The following PTPRD variants were observed in gnomAD, a reference collection of about 807,000 sequenced individuals.
PTPRD encodes receptor-type tyrosine-protein phosphatase delta.
In PTPRD, 34 loss-of-function variants were observed where a neutral mutation model predicts 214.5. That is an observed-to-expected ratio of 0.16 (90% CI 0.12 to 0.21). The LOEUF (loss-of-function observed/expected upper bound fraction) is 0.21, where lower values mean the gene tolerates loss of function less well. Among genes scored for constraint, PTPRD ranks in the 10% least tolerant of loss-of-function variants. PTPRD has a pLI of 1.00. For missense variants in PTPRD, 2,545 were observed against 2,398.7 expected (o/e 1.06, Z -1.27); for synonymous variants, 1,128 against 845.7 (o/e 1.33, Z -5.79).
chr9:8,346,339 CTTAA>C (rs1416058977), intron 39 of PTPRD, among the ~76,000 whole-genome samples: 12 of 152,050 alleles, frequency 7.9e-5, no homozygotes, highest in Admixed American at 1.3e-4. Flanking sequence ...CTCATTGTTT[CTTAA>C]TTGTTTCAAA....
intron 8 of PTPRD, among the ~76,000 whole-genome samples, chr9:9,532,302 C>G (rs933238473): frequency 1.3e-5 from 2 of 152,028 alleles, no homozygotes; most frequent in African/African-American, 4.8e-5. Flanking sequence ...CATTCAGTTA[C>G]CAAATTAACA....
intron 3 of PTPRD, among the ~76,000 whole-genome samples, chr9:10,338,075 T>C (rs543535319): frequency 1.3e-5 from 2 of 151,814 alleles, no homozygotes; most frequent in South Asian, 2.1e-4. Context: ...CATATGAGCT[T>C]CATTCTATTT....
intron 8 of PTPRD, among the ~76,000 whole-genome samples, chr9:9,486,735 C>T (rs993341724): frequency 5.9e-5 from 9 of 152,256 alleles, no homozygotes; most frequent in African/African-American, 9.6e-5. Context: ...TTCCCAAAGA[C>T]GTTCATTGAA....
chr9:9,519,005 T>C (rs561871186), intron 8 of PTPRD, among the ~76,000 whole-genome samples: 8 of 152,118 alleles, frequency 5.3e-5, no homozygotes, highest in Non-Finnish European at 1.0e-4. Flanking sequence ...TTTTAAAGAA[T>C]TGAAATAAAA....
intron 8 of PTPRD, among the ~76,000 whole-genome samples, chr9:9,510,264 G>A (rs907643539): frequency 2.7e-5 from 4 of 150,938 alleles, no homozygotes; most frequent in African/African-American, 9.7e-5. Flanking sequence ...TTCTTTTTTG[G>A]AACTACTTAG....
chr9:8,987,438 C>A (rs1036786755), intron 11 of PTPRD, among the ~76,000 whole-genome samples: 8 of 152,086 alleles, frequency 5.3e-5, no homozygotes, highest in Non-Finnish European at 1.2e-4. Context: ...TTTCCTCATT[C>A]CTTTTTGCAG....
chr9:9,195,086 G>GTATATATATATATATATATATATATA (rs540804635), intron 9 of PTPRD, among the ~76,000 whole-genome samples: 15 of 131,180 alleles, frequency 1.1e-4, no homozygotes, highest in East Asian at 2.5e-4. Flanking sequence ...GTGTGTTTGT[G>GTATATATATATATATATATATATATA]TATATATATA....
chr9:10,567,107 T>C (rs887890128), intron 2 of PTPRD, among the ~76,000 whole-genome samples: 4 of 152,102 alleles, frequency 2.6e-5, no homozygotes, highest in African/African-American at 9.7e-5. Context: ...TAGTAATTAG[T>C]GTTGTGAGAG....
chr9:9,771,201 C>T lies in PTPRD; in HGVS notation c.-367-4350G>A, dbSNP rs551130601. ...TATTAGTATCTAATAAATTTGACTA[C>T]ATAATATATCTATATAATTTCCAGA... is the stretch of plus-strand genomic sequence containing the variant. On this transcript the variant is annotated intron_variant, in intron 5 of 45. Transcript: ENST00000381196. Among the ~76,000 whole-genome samples, 5 of 152,168 alleles carry T rather than the reference C, an allele frequency of 3.3e-5. No individual in the cohort carries two copies. In the South Asian group the frequency reaches 1.0e-3, roughly 32 times the overall value.
chr9:8,500,605 A>G (rs1345301459), intron 24 of PTPRD, 149 bp downstream of exon 24: 1 of 460,158 alleles, frequency 2.2e-6, no homozygotes, highest in Non-Finnish European at 3.6e-6. Context: ...AGGCTGTAGC[A>G]AAGACAAGTC....
At chr9:9,613,135 C>CATATATATATATATATATAT (rs67735335) in intron 7 of PTPRD, among the ~76,000 whole-genome samples, 14 of 47,894 alleles carry the variant, frequency 2.9e-4, no homozygotes, top group African/African-American at 9.6e-4. Flanking sequence ...TACATACATA[C>CATATATATATATATATATAT]ATATATATAT....
At chr9:9,318,511 A>C (rs538865796) in intron 9 of PTPRD, among the ~76,000 whole-genome samples, 96 of 152,332 alleles carry the variant, frequency 6.3e-4, no homozygotes, top group African/African-American at 2.3e-3. Flanking sequence ...AAGAAACCAA[A>C]GTATTACAAA....
At chr9:8,862,044 AAC>A (rs1021908820) in intron 11 of PTPRD, 5 of 152,180 alleles carry the variant, frequency 3.3e-5, no homozygotes, top group Non-Finnish European at 5.9e-5. Flanking sequence ...GCTTTGGCCA[AAC>A]ACAGAACTAG....
chr9:9,306,191 T>C (rs772456063), intron 9 of PTPRD, among the ~76,000 whole-genome samples: 4 of 152,094 alleles, frequency 2.6e-5, no homozygotes, highest in Non-Finnish European at 5.9e-5. Flanking sequence ...TTAAGCTATC[T>C]GGCAGAAACT....
intron 11 of PTPRD, among the ~76,000 whole-genome samples, chr9:8,899,468 T>C (rs1026320095): frequency 3.3e-5 from 5 of 152,194 alleles, no homozygotes; most frequent in African/African-American, 9.6e-5. Context: ...TGAGTATGCA[T>C]AAACAGCAAC....
chr9:10,482,392 G>A lies in PTPRD; in HGVS notation c.-600+130006C>T, dbSNP rs964978874. 5.2e-4 allele frequency among the ~76,000 whole-genome samples: 79 copies of A among 151,178 alleles called. 1 individual carries two copies. Among genetic ancestry groups the A allele is most frequent in the African/African-American group, 5.3e-4 (22 of 41,138 alleles). ...TTTCAATAAATAAATAAATAAATAA[G>A]TAAATAAATAAATCAATCAATAATA... On this transcript the variant is annotated intron_variant, in intron 2 of 45. Coordinates refer to ENST00000381196, the MANE Select transcript of PTPRD (RefSeq NM_002839.4).
intron 4 of PTPRD, among the ~76,000 whole-genome samples, chr9:10,023,587 C>T (rs1307540907): frequency 6.6e-6 from 1 of 151,394 alleles, no homozygotes. Flanking sequence ...CATGATCTCT[C>T]ATGCATTTTA....
chr9:8,377,230 T>C (rs1316709370), intron 37 of PTPRD, among the ~76,000 whole-genome samples: 1 of 152,146 alleles, frequency 6.6e-6, no homozygotes, highest in Non-Finnish European at 1.5e-5. Flanking sequence ...ATGTGCTTTT[T>C]TTTTGAACAC....
intron 2 of PTPRD, among the ~76,000 whole-genome samples, chr9:10,438,059 G>C (rs1323537592): frequency 7.2e-6 from 1 of 138,866 alleles, no homozygotes; most frequent in Non-Finnish European, 1.5e-5. Flanking sequence ...TAATATAAAA[G>C]ACAAACTCAT....
Sources: allele counts gnomAD v4.1 joint callset (sites outside exome capture counted in the v4.1 genomes callset), GRCh38; gene constraint gnomAD v4.1.1; transcripts MANE v1.5; gene names NCBI Gene and HGNC (gene_info 2026-07-23, HGNC 2026-07-21).